DCAF12: variants seen among roughly 807,000 people sequenced by gnomAD.
DCAF12 encodes DDB1 and CUL4 associated factor 12, also known as DDB1- and CUL4-associated factor 12.
A neutral mutation model predicts 52.8 loss-of-function variants in DCAF12; 28 were observed. That is an observed-to-expected ratio of 0.53 (90% confidence interval 0.39 to 0.73). The LOEUF (loss-of-function observed/expected upper bound fraction) is 0.73, where lower values mean the gene tolerates loss of function less well. Ranked by LOEUF, DCAF12 falls within the 30% of genes least tolerant of loss-of-function variation. The pLI, the probability that DCAF12 is intolerant of heterozygous loss-of-function variation, is 0.00. For missense variants in DCAF12, 425 were observed against 552.2 expected (o/e 0.77, Z 2.31); for synonymous variants, 196 against 215.5 (o/e 0.91, Z 0.79).
intron 4 of DCAF12, 85 bp from the exon 5 acceptor site, chr9:34,098,602 C>T: frequency 1.4e-6 from 2 of 1,427,750 alleles, no homozygotes; most frequent in Non-Finnish European, 1.9e-6. Context: ...CTTTCATAGT[C>T]TAGCTGTTTG....
At chr9:34,096,997 G>A (rs1477305821) in intron 5 of DCAF12, among the ~76,000 whole-genome samples, 2 of 152,070 alleles carry the variant, frequency 1.3e-5, no homozygotes, top group Non-Finnish European at 2.9e-5. Flanking sequence ...GGCACCCATG[G>A]TTGAAAAACT....
intron 2 of DCAF12, among the ~76,000 whole-genome samples, chr9:34,116,249 C>T (rs1166533326): frequency 6.6e-6 from 1 of 151,532 alleles, no homozygotes; most frequent in Non-Finnish European, 1.5e-5. Flanking sequence ...CCCAGTTACT[C>T]GGGAGGCTGA....
At chr9:34,112,167 A>G (rs1829014516) in intron 2 of DCAF12, among the ~76,000 whole-genome samples, 1 of 151,320 alleles carries the variant, frequency 6.6e-6, no homozygotes, top group South Asian at 2.1e-4. Flanking sequence ...GACAGGAAAC[A>G]TGGACATCCT....
chr9:34,098,287 A>G (rs772613838), intron 5 of DCAF12, 37 bp downstream of exon 5: 1 of 1,594,184 alleles, frequency 6.3e-7, no homozygotes, highest in Non-Finnish European at 8.6e-7. Context: ...CATAAGCAAG[A>G]GGAATACACG....
At chr9:34,126,207 G>A in intron 1 of DCAF12, 147 bp downstream of exon 1, 1 of 1,024,044 alleles carries the variant, frequency 9.8e-7, no homozygotes, top group Admixed American at 2.3e-5. Context: ...CGAGGGTCCA[G>A]TCCTGACCCT....
At chr9:34,115,460 A>AG (rs1404633119) in intron 2 of DCAF12, among the ~76,000 whole-genome samples, 10 of 88,292 alleles carry the variant, frequency 1.1e-4, no homozygotes, top group Non-Finnish European at 2.4e-4. Flanking sequence ...GCGGCTGGGC[A>AG]TGGTGGCCTG....
intron 1 of DCAF12, 33 bp from the exon 2 acceptor site, chr9:34,125,310 G>A (rs1829231269): frequency 1.2e-6 from 2 of 1,609,958 alleles, no homozygotes; most frequent in Non-Finnish European, 1.7e-6. Context: ...CAGGGCTTTG[G>A]CTACTCTTCT....
intron 7 of DCAF12, chr9:34,089,998 T>C (rs566997040): frequency 6.7e-4 from 106 of 158,696 alleles, no homozygotes; most frequent in Admixed American, 2.0e-3. Flanking sequence ...TGCATATTTA[T>C]AAATCATTAA....
intron 2 of DCAF12, among the ~76,000 whole-genome samples, chr9:34,120,111 G>A (rs1384947437): frequency 5.5e-5 from 8 of 144,990 alleles, no homozygotes. Flanking sequence ...GCTGAGGCAG[G>A]AGAATCACTT....
intron 2 of DCAF12, among the ~76,000 whole-genome samples, chr9:34,116,607 G>A (rs949184477): frequency 1.2e-4 from 19 of 152,192 alleles, no homozygotes; most frequent in African/African-American, 3.6e-4. Context: ...CTCAGGTGGC[G>A]GAGGTTGTAG....
chr9:34,107,585 C>T lies in DCAF12; in HGVS notation c.334-20G>A, dbSNP rs1587736855. The T allele has an allele frequency of 1.2e-6, 2 of 1,611,468 alleles. No homozygotes were observed. The highest frequency in any genetic ancestry group is 1.7e-6 in the Non-Finnish European group (2 of 1,177,856). On this transcript the variant is annotated intron_variant, in intron 2 of 8. Transcript: ENST00000361264. Reference sequence around the variant, plus strand: ...AAATAGCTACAAGAAAAAATGGATACAGAAGCTGAACATAAATTTAACGTG... The same window carrying T: ...AAATAGCTACAAGAAAAAATGGATATAGAAGCTGAACATAAATTTAACGTG...
At chr9:34,089,242 C>T (rs1045495068) in intron 8 of DCAF12, among the ~76,000 whole-genome samples, 170 bp downstream of exon 8, 3 of 152,116 alleles carry the variant, frequency 2.0e-5, no homozygotes, top group Admixed American at 2.0e-4. Flanking sequence ...TTCCCACAGG[C>T]AACGTGCAGA....
intron 2 of DCAF12, among the ~76,000 whole-genome samples, chr9:34,114,333 C>G (rs558472413): frequency 6.6e-6 from 1 of 152,224 alleles, no homozygotes; most frequent in East Asian, 1.9e-4. Context: ...GAGTCTGAGG[C>G]TGGTGGATCA....
At chr9:34,102,243 T>C (rs1460008844) in intron 4 of DCAF12, among the ~76,000 whole-genome samples, 1 of 150,014 alleles carries the variant, frequency 6.7e-6, no homozygotes, top group Non-Finnish European at 1.5e-5. Context: ...TGAGCTGGGA[T>C]CACACCAACA....
chr9:34,093,215 A>G, intron 7 of DCAF12, 71 bp downstream of exon 7: 10 of 1,580,750 alleles, frequency 6.3e-6, no homozygotes, highest in Non-Finnish European at 8.7e-6. Flanking sequence ...TTGGAAACCA[A>G]CAAAGAAACT....
intron 2 of DCAF12, among the ~76,000 whole-genome samples, chr9:34,117,999 C>T (rs1829113126): frequency 6.6e-6 from 1 of 152,232 alleles, no homozygotes; most frequent in Non-Finnish European, 1.5e-5. Flanking sequence ...TTACAAATCC[C>T]ATCACCTATT....
At chr9:34,109,940 C>T (rs1244037018) in intron 2 of DCAF12, 1 of 221,158 alleles carries the variant, frequency 4.5e-6, no homozygotes, top group Non-Finnish European at 9.8e-6. Flanking sequence ...ACCACCATGT[C>T]CAACACCTTG....
At chr9:34,109,953 T>TG (rs1039699134) in intron 2 of DCAF12, 1 of 216,152 alleles carries the variant, frequency 4.6e-6, no homozygotes. Context: ...ACACCTTGGG[T>TG]GGGGGCATTA....
In DCAF12 at chr9:34,126,410, T is replaced by G. The variant is rs766263445; in HGVS notation, c.22A>C (p.Arg8=). 6.2e-7 allele frequency: 1 copy of G among 1,609,444 alleles called. No individual in the cohort carries two copies. Among genetic ancestry groups the G allele is most frequent in the East Asian group, 2.2e-5 (1 of 44,864 alleles). MARKVVS[R]KRKAPASPGA... ...GGCGAGGCGGGCGCTTTCCGCTTCC[T>G]GCTAACTACTTTCCGGGCCATAGTG... is the stretch of plus-strand genomic sequence containing the variant. The change falls in exon 1 of 9, where the codon AGG becomes CGG. Residue 8 remains arginine, a synonymous_variant. Transcript: ENST00000361264.
Sources: allele counts gnomAD v4.1 joint callset (sites outside exome capture counted in the v4.1 genomes callset), GRCh38; gene constraint gnomAD v4.1.1; transcripts MANE v1.5; gene names NCBI Gene and HGNC (gene_info 2026-07-23, HGNC 2026-07-21).